Variants in ELP4 observed in about 807,000 individuals in gnomAD.
ELP4 encodes elongator complex protein 4.
In ELP4, 51 loss-of-function variants were observed where a neutral mutation model predicts 48.9. The ratio of observed to expected loss-of-function variants is 1.04; its 90% CI spans 0.83 to 1.32. The LOEUF is 1.32. ELP4 is among the 40% of genes most tolerant of loss of function. The pLI, the probability that ELP4 is intolerant of heterozygous loss-of-function variation, is 0.00. For missense variants in ELP4, 519 were observed against 514.6 expected, an observed-to-expected ratio of 1.01 and a Z score of -0.08; for synonymous variants, 210 against 189.2, an observed-to-expected ratio of 1.11 and a Z score of -0.90.
intron 5 of ELP4, among the ~76,000 whole-genome samples, chr11:31,609,765 G>A (rs1323637812): frequency 6.6e-6 from 1 of 152,048 alleles, no homozygotes; most frequent in Non-Finnish European, 1.5e-5. Context: ...ACAAGCATGA[G>A]TCATGCCTCT....
chr11:31,668,205 G>T (rs538578509), intron 9 of ELP4, among the ~76,000 whole-genome samples: 22 of 152,158 alleles, frequency 1.4e-4, no homozygotes, highest in Admixed American at 9.8e-4. Context: ...ATGCTTTTTG[G>T]TTTTGGTTTT....
chr11:31,728,463 A>G (rs1565129224), intron 9 of ELP4, among the ~76,000 whole-genome samples: 1 of 152,168 alleles, frequency 6.6e-6, no homozygotes, highest in Non-Finnish European at 1.5e-5. Flanking sequence ...TGACAAACAT[A>G]AATGTTTTAG....
chr11:31,561,476 C>G (rs912803629), intron 3 of ELP4, among the ~76,000 whole-genome samples: 1 of 151,996 alleles, frequency 6.6e-6, no homozygotes. Flanking sequence ...GAGTATCGCT[C>G]TGTTGCCCAG....
intron 3 of ELP4, among the ~76,000 whole-genome samples, chr11:31,563,358 T>C (rs908483714): frequency 6.6e-6 from 1 of 152,040 alleles, no homozygotes; most frequent in African/African-American, 2.4e-5. Context: ...CTAGAGAACA[T>C]AAAAAGTGAG....
intron 3 of ELP4, among the ~76,000 whole-genome samples, chr11:31,550,138 A>G (rs933365967): frequency 1.3e-5 from 2 of 152,234 alleles, no homozygotes; most frequent in African/African-American, 4.8e-5. Context: ...TAATAATAAA[A>G]AAAAAATAAA....
intron 3 of ELP4, among the ~76,000 whole-genome samples, chr11:31,591,270 G>A (rs1240140681): frequency 2.0e-5 from 3 of 151,830 alleles, no homozygotes; most frequent in African/African-American, 4.8e-5. Context: ...GCCAGGCGTG[G>A]TGGTGGGTGC....
At chr11:31,620,420 G>A (rs1429880824) in intron 5 of ELP4, among the ~76,000 whole-genome samples, 1 of 151,946 alleles carries the variant, frequency 6.6e-6, no homozygotes, top group Non-Finnish European at 1.5e-5. Flanking sequence ...TTGCCTATGG[G>A]TACTAGGTGG....
intron 9 of ELP4, among the ~76,000 whole-genome samples, chr11:31,774,084 A>T (rs1253963812): frequency 1.3e-5 from 2 of 152,316 alleles, no homozygotes; most frequent in East Asian, 3.9e-4. Flanking sequence ...AGGCTTTGGG[A>T]GGATTGCTTG....
chr11:31,555,529 T>G (rs1489114586), intron 3 of ELP4, among the ~76,000 whole-genome samples: 2 of 151,934 alleles, frequency 1.3e-5, no homozygotes, highest in African/African-American at 4.8e-5. Flanking sequence ...ATTAGAAGAA[T>G]AATATGCCAT....
chr11:31,692,921 C>T (rs944586295), intron 9 of ELP4, among the ~76,000 whole-genome samples: 3 of 152,130 alleles, frequency 2.0e-5, no homozygotes, highest in African/African-American at 7.2e-5. Flanking sequence ...TTTTCTCTAT[C>T]ATAGCAGTAA....
At chr11:31,771,795 C>T (rs540887057) in intron 9 of ELP4, among the ~76,000 whole-genome samples, 5 of 152,240 alleles carry the variant, frequency 3.3e-5, no homozygotes, top group South Asian at 2.1e-4. Flanking sequence ...CTGGCTAACA[C>T]AGTGAAACCC....
chr11:31,758,883 G>T (rs1269183507), intron 9 of ELP4, among the ~76,000 whole-genome samples: 1 of 151,886 alleles, frequency 6.6e-6, no homozygotes, highest in African/African-American at 2.4e-5. Context: ...GCCCAAGCTG[G>T]TCTCGAAATC....
At chr11:31,678,039 A>G (rs1368708264) in intron 9 of ELP4, among the ~76,000 whole-genome samples, 2 of 151,832 alleles carry the variant, frequency 1.3e-5, no homozygotes, top group African/African-American at 2.4e-5. Context: ...CCCTCCCCCA[A>G]TGTCTGACAA....
intron 9 of ELP4, among the ~76,000 whole-genome samples, chr11:31,741,959 G>A (rs947557961): frequency 6.6e-5 from 10 of 151,968 alleles, no homozygotes; most frequent in Admixed American, 5.9e-4. Flanking sequence ...AGCTACAGGA[G>A]GAAATTCGAA....
chr11:31,712,778 G>C (rs1412429104), intron 9 of ELP4, among the ~76,000 whole-genome samples: 2 of 152,046 alleles, frequency 1.3e-5, no homozygotes, highest in African/African-American at 4.8e-5. Flanking sequence ...GAAAAAAACA[G>C]TAACAAGATA....
At chr11:31,600,489 G>A (rs1249601950) in intron 4 of ELP4, 1 of 152,140 alleles carries the variant, frequency 6.6e-6, no homozygotes, top group Non-Finnish European at 1.5e-5. Flanking sequence ...TGTGGTAGAT[G>A]TGTATAGGTG....
chr11:31,685,817 G>C (rs556583320), intron 9 of ELP4, among the ~76,000 whole-genome samples: 8 of 151,910 alleles, frequency 5.3e-5, no homozygotes, highest in Non-Finnish European at 1.0e-4. Context: ...TGTAGTCCCA[G>C]CTAGCCAGGA....
chr11:31,624,891 C>G (rs145928860), intron 5 of ELP4, among the ~76,000 whole-genome samples: 36 of 151,752 alleles, frequency 2.4e-4, no homozygotes, highest in African/African-American at 8.4e-4. Flanking sequence ...TGTCTTCTAC[C>G]TCCACATCTT....
chr11:31,736,690 A>G (rs1947326255), intron 9 of ELP4, among the ~76,000 whole-genome samples: 1 of 152,264 alleles, frequency 6.6e-6, no homozygotes, highest in Admixed American at 6.5e-5. Context: ...ACTTCTCAAA[A>G]GAAGACATTT....
Sources: gnomAD v4.1 joint callset for allele counts (sites outside exome capture counted in the v4.1 genomes callset) on GRCh38, gnomAD v4.1.1 for gene constraint, MANE v1.5 for transcripts, NCBI Gene and HGNC (gene_info 2026-07-23, HGNC 2026-07-21) for gene names.